PPP1R9A: variants seen among roughly 807,000 people sequenced by gnomAD.
PPP1R9A encodes protein phosphatase 1 regulatory subunit 9A.
A neutral mutation model predicts 141.9 loss-of-function variants in PPP1R9A; 59 were observed. The ratio of observed to expected loss-of-function variants is 0.42; its 90% CI spans 0.34 to 0.52. The LOEUF is 0.52. PPP1R9A is among the 20% of genes least tolerant of loss of function. PPP1R9A has a pLI of 0.10. For missense variants in PPP1R9A, 1,444 were observed against 1,611.9 expected, an observed-to-expected ratio of 0.90 and a Z score of 1.78; for synonymous variants, 500 against 569.7, an observed-to-expected ratio of 0.88 and a Z score of 1.74.
chr7:94,910,920 G>C lies in PPP1R9A; in HGVS notation c.807G>C (p.Glu269Asp), dbSNP rs2150583793. 3 of 1,614,078 alleles carry C rather than the reference G, an allele frequency of 1.9e-6. No individual in the cohort carries two copies. The highest frequency in any genetic ancestry group is 2.5e-6 in the Non-Finnish European group (3 of 1,180,010). Residue 269 changes from glutamate to aspartate, a missense_variant, in exon 2 of 20, where the codon GAG (glutamate) becomes GAC (aspartate). Physicochemically the swap from Glu to Asp is conservative, Grantham distance 45. Coordinates refer to ENST00000433360, the MANE Select transcript of PPP1R9A (RefSeq NM_001166160.2). The surrounding 1 kb of genome is among the most constrained non-coding windows in gnomAD (Gnocchi z 4.5). ...PPSNKRGVDT[E>D]DAHKSNATPV... The stretch of plus-strand genomic sequence containing the variant: ...CAAACAAGCGAGGTGTTGATACAGA[G>C]GATGCTCACAAGAGTAATGCAACTC...
intron 2 of PPP1R9A, among the ~76,000 whole-genome samples, chr7:95,009,044 C>T (rs1293955982): frequency 6.6e-5 from 10 of 151,994 alleles, no homozygotes; most frequent in Admixed American, 4.6e-4. Flanking sequence ...AGCAAACTAT[C>T]GCAAGGACAG....
chr7:95,236,093 T>C (rs1416842014), intron 8 of PPP1R9A, among the ~76,000 whole-genome samples: 1 of 152,098 alleles, frequency 6.6e-6, no homozygotes, highest in Non-Finnish European at 1.5e-5. Flanking sequence ...CACTAAAGAA[T>C]TTTTTAATGT....
At chr7:94,908,715 T>TTTGTGGGG (rs1791100509) in intron 1 of PPP1R9A, 1 of 152,036 alleles carries the variant, frequency 6.6e-6, no homozygotes, top group Non-Finnish European at 1.5e-5. Flanking sequence ...GGGGTGTGTG[T>TTTGTGGGG]AGGGGAGAGG....
intron 2 of PPP1R9A, among the ~76,000 whole-genome samples, chr7:95,084,522 A>G (rs1379770958): frequency 1.3e-5 from 2 of 151,968 alleles, no homozygotes; most frequent in African/African-American, 4.8e-5. Flanking sequence ...AAAGAAATAT[A>G]ATATTACAGA....
intron 2 of PPP1R9A, among the ~76,000 whole-genome samples, chr7:94,944,371 G>A (rs112105800): frequency 2.6e-5 from 4 of 152,012 alleles, no homozygotes; most frequent in African/African-American, 9.6e-5. Flanking sequence ...ATCACCAGTA[G>A]TGCTTAGCAC....
At chr7:95,060,184 G>T (rs1812037769) in intron 2 of PPP1R9A, among the ~76,000 whole-genome samples, 1 of 152,114 alleles carries the variant, frequency 6.6e-6, no homozygotes, top group African/African-American at 2.4e-5. Flanking sequence ...CCTTTCATAG[G>T]CTGAGACTTA....
chr7:95,074,854 C>A (rs371007203), intron 2 of PPP1R9A, among the ~76,000 whole-genome samples: 137 of 152,252 alleles, frequency 9.0e-4, no homozygotes, highest in African/African-American at 3.2e-3. Context: ...TCCTCCTACT[C>A]TCTCCAATAC....
At chr7:94,909,043 G>T (rs1472125876) in intron 1 of PPP1R9A, among the ~76,000 whole-genome samples, 2 of 152,188 alleles carry the variant, frequency 1.3e-5, no homozygotes, top group African/African-American at 4.8e-5. Flanking sequence ...CTGGCTTATT[G>T]ATATAAAATC....
Position 94,988,520 on chromosome 7 carries a change from T to G in PPP1R9A, c.1395+77012T>G, listed in dbSNP as rs1486395964. On this transcript the variant is annotated intron_variant, in intron 2 of 19. Transcript: ENST00000433360. Reference sequence around the variant, plus strand: ...ATGAGCCAATTTCCAGCAGATCTGATTAGATCTGAAAACTAGGCTAAATAA... The same window carrying G: ...ATGAGCCAATTTCCAGCAGATCTGAGTAGATCTGAAAACTAGGCTAAATAA... 3.9e-5 allele frequency among the ~76,000 whole-genome samples: 6 copies of G among 152,164 alleles called. No individual in the cohort carries two copies. The East Asian group carries it at 1.2e-3, about 29-fold the overall frequency.
Position 95,247,465 on chromosome 7 carries a change from A to G in PPP1R9A, c.2113-8A>G. ...AGTTCAGATTTTTTCTTTCTTTTCA[A>G]TTTTCAGTTGCAAATCAAACATGCA... On this transcript the variant is annotated splice_region_variant and splice_polypyrimidine_tract_variant and intron_variant, in intron 8 of 19. Coordinates refer to ENST00000433360, the MANE Select transcript of PPP1R9A (RefSeq NM_001166160.2). 6.2e-7 allele frequency: 1 copy of G among 1,602,648 alleles called. No individual in the cohort carries two copies. The highest frequency in any genetic ancestry group is 8.5e-7 in the Non-Finnish European group (1 of 1,171,994).
intron 2 of PPP1R9A, among the ~76,000 whole-genome samples, chr7:94,980,549 C>G (rs1168966571): frequency 6.6e-6 from 1 of 151,852 alleles, no homozygotes; most frequent in Non-Finnish European, 1.5e-5. Context: ...AATCCTCTCA[C>G]CTCAGCCTCC....
chr7:95,279,663 C>G (rs534077297), intron 16 of PPP1R9A, among the ~76,000 whole-genome samples: 10 of 151,442 alleles, frequency 6.6e-5, no homozygotes, highest in South Asian at 2.1e-4. Context: ...TGTAGTGACT[C>G]TAAACGTCCC....
At chr7:95,177,294 A>G (rs1833042316) in intron 5 of PPP1R9A, among the ~76,000 whole-genome samples, 1 of 152,156 alleles carries the variant, frequency 6.6e-6, no homozygotes, top group Admixed American at 6.6e-5. Flanking sequence ...GGAAAGATAC[A>G]GTCTTTTTCA....
intron 2 of PPP1R9A, among the ~76,000 whole-genome samples, chr7:95,019,468 AAG>A (rs1344247373): frequency 2.0e-5 from 3 of 152,210 alleles, no homozygotes; most frequent in Non-Finnish European, 4.4e-5. Flanking sequence ...CATCACAAAA[AAG>A]CAAGAATTGA....
chr7:95,201,235 G>GT (rs112088318), intron 6 of PPP1R9A, among the ~76,000 whole-genome samples: 36,571 of 151,958 alleles, frequency 0.24, 6,050 homozygotes, highest in African/African-American at 0.47. Flanking sequence ...AAGTTAAACT[G>GT]TTTTTCTTTC....
intron 2 of PPP1R9A, among the ~76,000 whole-genome samples, chr7:95,046,260 T>C (rs903633125): frequency 2.0e-4 from 30 of 152,028 alleles, no homozygotes; most frequent in Non-Finnish European, 3.1e-4. Flanking sequence ...TTTGTATTTT[T>C]AGTACAGATG....
chr7:95,258,380 T>C (rs1799926710), intron 12 of PPP1R9A, among the ~76,000 whole-genome samples: 1 of 152,228 alleles, frequency 6.6e-6, no homozygotes, highest in Admixed American at 6.5e-5. Flanking sequence ...TTTTTTCTTG[T>C]AAATTTGTTT....
chr7:95,075,074 T>C (rs1035085712), intron 2 of PPP1R9A, among the ~76,000 whole-genome samples: 1 of 152,218 alleles, frequency 6.6e-6, no homozygotes, highest in African/African-American at 2.4e-5. Flanking sequence ...GAACACTTTG[T>C]TGTAAAATAA....
At chr7:95,125,076 A>G (rs1172941822) in intron 4 of PPP1R9A, among the ~76,000 whole-genome samples, 1 of 152,208 alleles carries the variant, frequency 6.6e-6, no homozygotes, top group East Asian at 1.9e-4. Flanking sequence ...ACTTTATCCT[A>G]TGATGCCTTA....
Sources: gnomAD v4.1 joint callset for allele counts (sites outside exome capture counted in the v4.1 genomes callset) on GRCh38, gnomAD v4.1.1 for gene constraint, Gnocchi (gnomAD v3.1) non-coding constraint, MANE v1.5 for transcripts, NCBI Gene and HGNC (gene_info 2026-07-23, HGNC 2026-07-21) for gene names.